ITFG1: variants seen among roughly 807,000 people sequenced by gnomAD.
ITFG1 encodes T-cell immunomodulatory protein.
ITFG1 carries 34 observed loss-of-function variants against 81.8 expected under a neutral mutation model. That is an observed-to-expected ratio of 0.42 (90% CI 0.32 to 0.55). The LOEUF (loss-of-function observed/expected upper bound fraction) is 0.55, where lower values mean the gene tolerates loss of function less well. ITFG1 is among the 20% of genes least tolerant of loss of function. The pLI is 0.17. For synonymous variants in ITFG1, 285 were observed against 270.6 expected (o/e 1.05, Z -0.52); for missense variants, 672 against 755.4 (o/e 0.89, Z 1.29).
rs114776511 is a variant in ITFG1 at position 47,200,037 on chromosome 16, G to A, written c.1453+18831C>T. On this transcript the variant is annotated intron_variant, in intron 14 of 17. Transcript: ENST00000320640. Reference sequence around the variant, plus strand: ...GGGTGCGGCTGTAAATACAGATGAAGCTTTGCTTGTTTGCCTGCTGTTCAC... The same window carrying A: ...GGGTGCGGCTGTAAATACAGATGAAACTTTGCTTGTTTGCCTGCTGTTCAC... 8.3e-3 allele frequency among the ~76,000 whole-genome samples: 1,260 copies of A among 152,268 alleles called. 23 individuals carry two copies. Among genetic ancestry groups the A allele is most frequent in the African/African-American group, 0.029 (1,207 of 41,540 alleles).
intron 10 of ITFG1, among the ~76,000 whole-genome samples, chr16:47,281,841 T>C (rs1966454659): frequency 6.6e-6 from 1 of 152,054 alleles, no homozygotes; most frequent in Non-Finnish European, 1.5e-5. Flanking sequence ...GATTTGCCTT[T>C]GTTATTTTTC....
intron 6 of ITFG1, among the ~76,000 whole-genome samples, chr16:47,402,539 C>A (rs1164416136): frequency 1.3e-5 from 2 of 152,146 alleles, no homozygotes; most frequent in African/African-American, 4.8e-5. Context: ...CCACAGCATC[C>A]CGGCTCTGGC....
At chr16:47,182,305 A>G (rs1204940392) in intron 14 of ITFG1, among the ~76,000 whole-genome samples, 3 of 152,036 alleles carry the variant, frequency 2.0e-5, no homozygotes, top group African/African-American at 7.2e-5. Context: ...GAGATTTGCC[A>G]TTTTGGATAA....
chr16:47,459,044 C>A lies in ITFG1; in HGVS notation c.281+59G>T. The stretch of plus-strand genomic sequence containing the variant: ...TTTAAAGACAACCAATCAGCTACTG[C>A]ATATCCATTATTATATTAATGACTA... On this transcript the variant is annotated intron_variant, in intron 2 of 17. Coordinates refer to ENST00000320640, the MANE Select transcript of ITFG1 (RefSeq NM_030790.5). 2.9e-6 allele frequency: 3 copies of A among 1,018,176 alleles called. No individual in the cohort carries two copies. The South Asian group carries it at 3.9e-5, about 13-fold the overall frequency. The allele number at this position is 1,018,176 out of a possible 1,614,324, so 63.1% of individuals were successfully genotyped here.
Position 47,460,820 on chromosome 16 carries a change from G to A in ITFG1, c.208+18C>T. ...GCACACGGACAGCGAACAGAGGGAG[G>A]GCCCGGCAAGCACTGACTTTCCCGC... is the stretch of plus-strand genomic sequence containing the variant. On this transcript the variant is annotated intron_variant, in intron 1 of 17. Transcript: ENST00000320640. 1 of 1,611,572 alleles carries A rather than the reference G, an allele frequency of 6.2e-7. No homozygotes were observed. The highest frequency in any genetic ancestry group is 8.5e-7 in the Non-Finnish European group (1 of 1,179,044).
chr16:47,178,582 G>A (rs1239710187), intron 14 of ITFG1, among the ~76,000 whole-genome samples: 2 of 152,072 alleles, frequency 1.3e-5, no homozygotes, highest in Non-Finnish European at 2.9e-5. Context: ...AATTCAAGAT[G>A]GATTAAAGAC....
At chr16:47,256,821 C>T (rs1379507359) in intron 12 of ITFG1, among the ~76,000 whole-genome samples, 4 of 152,186 alleles carry the variant, frequency 2.6e-5, no homozygotes, top group Non-Finnish European at 5.9e-5. Context: ...CTGGGTTCAG[C>T]TATTTATGCT....
At chr16:47,440,254 AC>A (rs1157853349) in intron 5 of ITFG1, among the ~76,000 whole-genome samples, 1 of 152,218 alleles carries the variant, frequency 6.6e-6, no homozygotes, top group Non-Finnish European at 1.5e-5. Context: ...TTAACACCTC[AC>A]TGTAAACATT....
intron 14 of ITFG1, among the ~76,000 whole-genome samples, chr16:47,181,561 T>C (rs1005307621): frequency 1.1e-5 from 1 of 88,530 alleles, no homozygotes; most frequent in Non-Finnish European, 2.2e-5. Context: ...TGGGGGGGGG[T>C]CAGCCCCCCC....
intron 5 of ITFG1, among the ~76,000 whole-genome samples, chr16:47,430,887 TGCTA>T (rs1969087173): frequency 6.6e-6 from 1 of 152,224 alleles, no homozygotes; most frequent in Non-Finnish European, 1.5e-5. Context: ...CTCCTAGTAG[TGCTA>T]TTCACAATAG....
intron 5 of ITFG1, among the ~76,000 whole-genome samples, chr16:47,445,012 A>G (rs1436241545): frequency 6.6e-6 from 1 of 151,828 alleles, no homozygotes; most frequent in Non-Finnish European, 1.5e-5. Context: ...CTGTCATGCT[A>G]CCACAACCCC....
chr16:47,205,816 G>A (rs1965487627), intron 14 of ITFG1, among the ~76,000 whole-genome samples: 1 of 150,632 alleles, frequency 6.6e-6, no homozygotes, highest in Admixed American at 6.7e-5. Context: ...AATTTCCCCA[G>A]CTGGAATTAA....
At chr16:47,388,249 G>A (rs2151594805) in intron 6 of ITFG1, among the ~76,000 whole-genome samples, 1 of 152,270 alleles carries the variant, frequency 6.6e-6, no homozygotes. Flanking sequence ...TTCTCTAGTA[G>A]AAGTGAGAGA....
chr16:47,260,713 G>C lies in ITFG1; in HGVS notation c.1071-18C>G, dbSNP rs375713400. 4.3e-6 allele frequency: 7 copies of C among 1,613,914 alleles called. No homozygotes were observed. The highest frequency in any genetic ancestry group is 1.7e-5 in the Admixed American group (1 of 60,014). On this transcript the variant is annotated intron_variant, in intron 10 of 17. Coordinates refer to ENST00000320640, the MANE Select transcript of ITFG1 (RefSeq NM_030790.5). ...GCTGGTTGCTGTGCGCCAAAGGAAA[G>C]GCATTTCGTTAATATAAACATCAAC...
At chr16:47,426,900 T>C (rs893724320) in intron 6 of ITFG1, among the ~76,000 whole-genome samples, 7 of 152,192 alleles carry the variant, frequency 4.6e-5, no homozygotes, top group African/African-American at 1.4e-4. Context: ...AGGCCTGCTT[T>C]ACTCATTTGC....
chr16:47,156,207 A>G (rs1964702168), intron 17 of ITFG1, among the ~76,000 whole-genome samples: 1 of 152,000 alleles, frequency 6.6e-6, no homozygotes, highest in Non-Finnish European at 1.5e-5. Flanking sequence ...GAGGCCAAGG[A>G]GGGCAGATAA....
At chr16:47,289,113 A>G (rs1184353116) in intron 10 of ITFG1, among the ~76,000 whole-genome samples, 1 of 152,134 alleles carries the variant, frequency 6.6e-6, no homozygotes, top group Non-Finnish European at 1.5e-5. Flanking sequence ...AGATGACCAA[A>G]GAGTTTTTGT....
Position 47,452,774 on chromosome 16 carries a change from G to C in ITFG1, c.444C>G (p.Thr148=). ...CATCTTGAAAAGTCCTATTGAGTAT[G>C]GTCATATTGTTAGGATCTGCAAAAA... The part of the protein sequence containing the change: ...QNQTLDPNNM[T]ILNRTFQDEP... Residue 148 remains threonine, a synonymous_variant, in exon 4 of 18, where the codon ACC becomes ACG. Transcript: ENST00000320640. 1 of 1,569,550 alleles carries C rather than the reference G, an allele frequency of 6.4e-7. No homozygotes were observed. The highest frequency in any genetic ancestry group is 8.7e-7 in the Non-Finnish European group (1 of 1,151,682).
At position 47,384,870 on chromosome 16, in the gene ITFG1, G is replaced by A. The variant is rs141551184; in HGVS notation, c.656-8930C>T. On this transcript the variant is annotated intron_variant, in intron 6 of 17. Coordinates refer to ENST00000320640, the MANE Select transcript of ITFG1 (RefSeq NM_030790.5). ...AGGTGGGGAGATCACCTGAGGTCAG[G>A]AGTTCGAGACCAGCCTGGCCAATGT... Among the ~76,000 whole-genome samples the A allele has an allele frequency of 5.6e-3, 856 of 152,306 alleles. 7 individuals carry two copies. Among genetic ancestry groups the A allele is most frequent in the African/African-American group, 0.02 (814 of 41,576 alleles).
Sources: gnomAD v4.1 joint callset for allele counts (sites outside exome capture counted in the v4.1 genomes callset) on GRCh38, gnomAD v4.1.1 for gene constraint, MANE v1.5 for transcripts, NCBI Gene and HGNC (gene_info 2026-07-23, HGNC 2026-07-21) for gene names.